Variants in BICD2 observed in about 807,000 individuals in gnomAD.
BICD2 encodes protein bicaudal D homolog 2.
BICD2 carries 25 observed loss-of-function variants against 72.9 expected under a neutral mutation model. That is an observed-to-expected ratio of 0.34 (90% CI 0.25 to 0.48). BICD2 has a LOEUF of 0.48. Among genes scored for constraint, BICD2 ranks in the 20% least tolerant of loss-of-function variants. The pLI is 0.99. For missense variants in BICD2, 894 were observed against 1,175.2 expected (o/e 0.76, Z 3.50); for synonymous variants, 501 against 516.1 (o/e 0.97, Z 0.40).
chr9:92,758,815 T>C (rs545540570), intron 1 of BICD2, among the ~76,000 whole-genome samples: 25 of 150,352 alleles, frequency 1.7e-4, no homozygotes, highest in African/African-American at 5.6e-4. Context: ...GATCGCGCCA[T>C]TGCACTCCAG....
At chr9:92,722,622 C>T (rs760668768) in intron 3 of BICD2, 34 bp downstream of exon 3, 14 of 1,612,842 alleles carry the variant, frequency 8.7e-6, no homozygotes, top group Admixed American at 1.7e-5. Flanking sequence ...AGTTAACCCA[C>T]GTGCCACCTC....
chr9:92,713,275 T>C lies in BICD2; in HGVS notation c.*1879A>G, dbSNP rs183120828. 144 of 704,334 alleles carry C rather than the reference T, an allele frequency of 2.0e-4. No homozygotes were observed. In the African/African-American group the frequency reaches 2.3e-3, roughly 11 times the overall value. The allele number at this position is 704,334 out of a possible 1,614,324, so 43.6% of individuals were successfully genotyped here. A position where few individuals can be genotyped will look rare whatever the true frequency, so the allele number is the denominator to read the frequency against. ...TCGCAGCATGCTCAACATTAAAGCT[T>C]TTTTTCCTCCCATTAAAAACCTGGG... On this transcript the variant is annotated 3_prime_UTR_variant, in exon 7 of 7. Transcript: ENST00000356884.
At chr9:92,758,464 A>G (rs749446791) in intron 1 of BICD2, among the ~76,000 whole-genome samples, 49 of 150,266 alleles carry the variant, frequency 3.3e-4, no homozygotes, top group Admixed American at 5.4e-4. Context: ...AGGCATGAGA[A>G]TCACTTGAAC....
intron 1 of BICD2, among the ~76,000 whole-genome samples, chr9:92,763,559 C>T (rs1409324927): frequency 6.6e-6 from 1 of 152,226 alleles, no homozygotes; most frequent in East Asian, 1.9e-4. Context: ...TGGATCCAAA[C>T]CCTGGTGTAT....
intron 1 of BICD2, among the ~76,000 whole-genome samples, chr9:92,751,687 C>T (rs562925524): frequency 5.9e-5 from 9 of 152,102 alleles, no homozygotes; most frequent in South Asian, 2.1e-4. Context: ...GTGGTAAGAA[C>T]GATCTACGTG....
chr9:92,754,144 CAAA>C (rs59231772), intron 1 of BICD2, among the ~76,000 whole-genome samples: 49 of 140,344 alleles, frequency 3.5e-4, no homozygotes, highest in East Asian at 6.3e-4. Flanking sequence ...GACTACATCT[CAAA>C]AAAAAAAAAA....
intron 1 of BICD2, among the ~76,000 whole-genome samples, chr9:92,746,485 T>TCA (rs1344944462): frequency 1.4e-5 from 2 of 141,520 alleles, no homozygotes; most frequent in African/African-American, 5.4e-5. Context: ...TGAGCCAAGA[T>TCA]CACACCACTG....
chr9:92,715,986 G>A (rs938808639), intron 6 of BICD2, among the ~76,000 whole-genome samples: 1 of 152,302 alleles, frequency 6.6e-6, no homozygotes, highest in Non-Finnish European at 1.5e-5. Flanking sequence ...AACCACGTGT[G>A]TGGACGCCAT....
intron 1 of BICD2, among the ~76,000 whole-genome samples, chr9:92,756,482 C>T (rs1241398370): frequency 6.6e-6 from 1 of 151,376 alleles, no homozygotes; most frequent in Non-Finnish European, 1.5e-5. Flanking sequence ...AGGATGGTCT[C>T]GATCTGCTGA....
chr9:92,718,227 A>G (rs1042450177), intron 5 of BICD2, among the ~76,000 whole-genome samples: 1 of 152,220 alleles, frequency 6.6e-6, no homozygotes, highest in Admixed American at 6.5e-5. Flanking sequence ...AGCTCAGACT[A>G]TGGCTCTCAC....
chr9:92,715,726 T>C (rs1853296721), intron 6 of BICD2, among the ~76,000 whole-genome samples: 1 of 152,152 alleles, frequency 6.6e-6, no homozygotes, highest in African/African-American at 2.4e-5. Flanking sequence ...TTGAGTTTTG[T>C]GGTTTTGTGG....
intron 2 of BICD2, among the ~76,000 whole-genome samples, chr9:92,724,884 A>G (rs779758254): frequency 1.3e-5 from 2 of 152,220 alleles, no homozygotes; most frequent in Non-Finnish European, 2.9e-5. Context: ...CTAACTGGCA[A>G]GCAAGTGGTC....
At chr9:92,729,565 G>A (rs1381747273) in intron 1 of BICD2, among the ~76,000 whole-genome samples, 3 of 152,242 alleles carry the variant, frequency 2.0e-5, no homozygotes, top group Non-Finnish European at 4.4e-5. Context: ...GCTGGGGGCC[G>A]GCAGAGGGAG....
Position 92,718,916 on chromosome 9 carries a change from C to T in BICD2, c.1729G>A (p.Ala577Thr). 1.9e-6 allele frequency: 3 copies of T among 1,606,124 alleles called. No individual in the cohort carries two copies. The highest frequency in any genetic ancestry group is 2.5e-6 in the Non-Finnish European group (3 of 1,177,838). ...AGGATGGGTGAGCGCCGGCCACGCG[C>T]CTCGGGGCTGGTGCGGCCCCCGGGA... ...TSPGGRTSPE[A>T]RGRRSPILLP... Residue 577 changes from alanine (A) to threonine (T), a missense_variant, in exon 5 of 7, where the codon GCG (alanine) becomes ACG (threonine). Ala to Thr is a moderately conservative substitution (Grantham distance 58). Around this residue, in one of 5 missense-constraint regions of BICD2, gnomAD observed 321 missense variants for 443.9 expected, o/e 0.72. Transcript: ENST00000356884.
Position 92,713,732 on chromosome 9 carries a change from G to C in BICD2, c.*1422C>G. ...AGCCATCCCACTGCGAGTCTTGCTG[G>C]GGCAGGGGGATCTGGGCCCAGGATG... On this transcript the variant is annotated 3_prime_UTR_variant, in exon 7 of 7. Coordinates refer to ENST00000356884, the MANE Select transcript of BICD2 (RefSeq NM_001003800.2). 1 of 1,358,754 alleles carries C rather than the reference G, an allele frequency of 7.4e-7. No homozygotes were observed. Among genetic ancestry groups the C allele is most frequent in the Non-Finnish European group, 9.5e-7 (1 of 1,050,402 alleles). The allele number at this position is 1,358,754 out of a possible 1,614,324, so 84.2% of individuals were successfully genotyped here.
rs746102380 is a variant in BICD2 at position 92,729,072 on chromosome 9, C to T, written c.405G>A (p.Thr135=). The change falls in exon 2 of 7, where the codon ACG becomes ACA. Residue 135 remains threonine (T), a synonymous_variant. Transcript: ENST00000356884. ...AGGCCAGGCGCTCATTCTCCGACTGCGTGTTGGTGAGGACATTGCGCAACT... is the reference window on the plus strand; with the variant it reads ...AGGCCAGGCGCTCATTCTCCGACTGTGTGTTGGTGAGGACATTGCGCAACT... ...LKQLRNVLTN[T]QSENERLASV... The T allele has an allele frequency of 1.5e-5, 25 of 1,614,116 alleles. No individual in the cohort carries two copies. In the Admixed American group the frequency reaches 2.5e-4, roughly 16 times the overall value.
intron 1 of BICD2, among the ~76,000 whole-genome samples, chr9:92,757,713 A>C (rs1854290150): frequency 6.6e-6 from 1 of 152,072 alleles, no homozygotes; most frequent in African/African-American, 2.4e-5. Context: ...TCTCAAAAAA[A>C]AAAAGAAAAG....
chr9:92,740,073 T>C (rs1296899342), intron 1 of BICD2, among the ~76,000 whole-genome samples: 1 of 152,230 alleles, frequency 6.6e-6, no homozygotes, highest in African/African-American at 2.4e-5. Context: ...AAACCTATCG[T>C]GACCCAAACA....
At chr9:92,733,824 A>G (rs189123269) in intron 1 of BICD2, among the ~76,000 whole-genome samples, 1 of 150,418 alleles carries the variant, frequency 6.6e-6, no homozygotes, top group Non-Finnish European at 1.5e-5. Context: ...AAAATTAGCC[A>G]GGCGTGGCGG....
Sources: gnomAD v4.1 joint callset for allele counts (sites outside exome capture counted in the v4.1 genomes callset) on GRCh38, gnomAD v4.1.1 for gene constraint, gnomAD v4.1.1 regional missense constraint, MANE v1.5 for transcripts, NCBI Gene and HGNC (gene_info 2026-07-23, HGNC 2026-07-21) for gene names.